The following PPP5C variants were observed in gnomAD, a reference collection of about 807,000 sequenced individuals.
The protein encoded by PPP5C is serine/threonine-protein phosphatase 5.
Under a neutral mutation model 66.7 loss-of-function variants are expected in PPP5C, and 21 were observed. That is an observed-to-expected ratio of 0.31 (90% CI 0.22 to 0.45). The LOEUF is 0.45. PPP5C is among the 20% of genes least tolerant of loss of function. The pLI, the probability that PPP5C is intolerant of heterozygous loss-of-function variation, is 1.00. For synonymous variants in PPP5C, 246 were observed against 257.4 expected, an observed-to-expected ratio of 0.96 and a Z score of 0.43; for missense variants, 464 against 675.9, an observed-to-expected ratio of 0.69 and a Z score of 3.48.
chr19:46,348,379 T>A (rs1412950370), intron 1 of PPP5C, among the ~76,000 whole-genome samples: 1 of 146,932 alleles, frequency 6.8e-6, no homozygotes, highest in Non-Finnish European at 1.5e-5. Flanking sequence ...AATGGCGCAA[T>A]CTCGGCTCAC....
chr19:46,369,725 G>A (rs1298980682), intron 2 of PPP5C, among the ~76,000 whole-genome samples: 1 of 150,596 alleles, frequency 6.6e-6, no homozygotes, highest in Non-Finnish European at 1.5e-5. Flanking sequence ...CAGGAGTTCA[G>A]GACCAGCCTG....
rs1304010683 is a variant in PPP5C, at chr19:46,383,492, C to T, written c.699+16C>T. ...ACTCAAAGAGGTGCGCGTTGTGGGG[C>T]AGTGCGGGGAGGGCCAGCGGGGGTG... On this transcript the variant is annotated intron_variant, in intron 5 of 12. Coordinates refer to ENST00000012443, the MANE Select transcript of PPP5C (RefSeq NM_006247.4). This position sits in a 1 kb window ranked among gnomAD's most constrained non-coding sequence, Gnocchi z 5.0. 5 of 1,594,010 alleles carry T rather than the reference C, an allele frequency of 3.1e-6. No homozygotes were observed. The African/African-American group carries it at 5.4e-5, about 17-fold the overall frequency.
chr19:46,349,550 T>A (rs1972146099), intron 1 of PPP5C, among the ~76,000 whole-genome samples: 1 of 151,676 alleles, frequency 6.6e-6, no homozygotes, highest in Non-Finnish European at 1.5e-5. Flanking sequence ...CAGTGAGAGA[T>A]GAGGCCAGAG....
chr19:46,351,092 T>C (rs1449996686), intron 1 of PPP5C, among the ~76,000 whole-genome samples: 1 of 152,128 alleles, frequency 6.6e-6, no homozygotes, highest in East Asian at 1.9e-4. Context: ...GGGTGGGGGC[T>C]TATGCTTAAC....
At chr19:46,353,716 A>G in intron 1 of PPP5C, 32 bp from the exon 2 acceptor site, 5 of 1,613,208 alleles carry the variant, frequency 3.1e-6, no homozygotes, top group Non-Finnish European at 4.2e-6. Flanking sequence ...GGGTTGGAGC[A>G]CTGCCTCATG....
chr19:46,374,725 G>A (rs945027496), intron 2 of PPP5C, among the ~76,000 whole-genome samples: 5 of 152,168 alleles, frequency 3.3e-5, no homozygotes, highest in African/African-American at 4.8e-5. Context: ...GGGCGCCCAC[G>A]TGGAGTTTCC....
intron 11 of PPP5C, among the ~76,000 whole-genome samples, chr19:46,389,405 A>AGAGTGTTGATC (rs1568579889): frequency 1.4e-4 from 4 of 28,852 alleles, no homozygotes; most frequent in Admixed American, 3.5e-4. Flanking sequence ...ACACACACAC[A>AGAGTGTTGATC]CACACACACA....
intron 2 of PPP5C, among the ~76,000 whole-genome samples, chr19:46,355,206 G>A (rs369259269): frequency 2.6e-5 from 4 of 152,236 alleles, no homozygotes; most frequent in Admixed American, 1.3e-4. Context: ...GGGGCCGTGC[G>A]CTTGTCCTGC....
At chr19:46,384,379 C>T (rs974069895) in intron 6 of PPP5C, 10 of 250,296 alleles carry the variant, frequency 4.0e-5, no homozygotes, top group Admixed American at 9.9e-5. Flanking sequence ...AGTATTTCCC[C>T]GTGTTATGGT....
rs1972693271 is a variant in PPP5C, at chr19:46,376,250, G to A, written c.512-203G>A. 1.3e-5 allele frequency among the ~76,000 whole-genome samples: 2 copies of A among 152,102 alleles called. No homozygotes were observed. The highest frequency in any genetic ancestry group is 1.3e-4 in the Admixed American group (2 of 15,264). On this transcript the variant is annotated intron_variant, in intron 3 of 12. Transcript: ENST00000012443. This position sits in a 1 kb window ranked among gnomAD's most constrained non-coding sequence, Gnocchi z 5.1. ...GTGCCATAAAACTGAATAGAGTAAA[G>A]GGGGGTGGGTGAAGGAAGACAGGGA...
At chr19:46,347,546 G>A (rs940612021) in intron 1 of PPP5C, among the ~76,000 whole-genome samples, 2 of 151,950 alleles carry the variant, frequency 1.3e-5, no homozygotes, top group East Asian at 1.9e-4. Flanking sequence ...CATGTGGTGG[G>A]GGAGTGATTG....
chr19:46,375,790 C>T, intron 3 of PPP5C, 39 bp downstream of exon 3: 1 of 1,546,948 alleles, frequency 6.5e-7, no homozygotes. Context: ...CAGCCCAGAA[C>T]ATTCCACACG....
At chr19:46,356,550 G>A (rs908044037) in intron 2 of PPP5C, among the ~76,000 whole-genome samples, 4 of 152,186 alleles carry the variant, frequency 2.6e-5, no homozygotes, top group Non-Finnish European at 5.9e-5. Flanking sequence ...TTGTGCACCT[G>A]AATTCAGCCT....
intron 4 of PPP5C, among the ~76,000 whole-genome samples, chr19:46,378,040 C>T (rs2147392146): frequency 6.6e-6 from 1 of 152,272 alleles, no homozygotes; most frequent in African/African-American, 2.4e-5. Flanking sequence ...TCATTATTCT[C>T]TATGCATGCT....
At position 46,373,321 on chromosome 19, in the gene PPP5C, C is replaced by T. The variant is rs770190397; in HGVS notation, c.364-2283C>T. ...GTTTCGCCTGGGAGAGAAGGGAATC[C>T]TGGCTTCCTGGGTGGGTGACTTCAC... On this transcript the variant is annotated intron_variant, in intron 2 of 12. Transcript: ENST00000012443. 4.1e-4 allele frequency among the ~76,000 whole-genome samples: 63 copies of T among 152,234 alleles called. 1 individual carries two copies. The highest frequency in any genetic ancestry group is 8.8e-5 in the Non-Finnish European group (6 of 68,028).
rs1361349852 is a variant in PPP5C at position 46,384,799 on chromosome 19, G to T, written c.799-5G>T. ...ACGCTTGCCATGTTTTCCTCAGCAGGACAGATATTTAATGGTGACTTTGTG... is the reference window on the plus strand; with the variant it reads ...ACGCTTGCCATGTTTTCCTCAGCAGTACAGATATTTAATGGTGACTTTGTG... On this transcript the variant is annotated splice_region_variant and splice_polypyrimidine_tract_variant and intron_variant, in intron 6 of 12. Coordinates refer to ENST00000012443, the MANE Select transcript of PPP5C (RefSeq NM_006247.4). 2 of 1,610,928 alleles carry T rather than the reference G, an allele frequency of 1.2e-6. No individual in the cohort carries two copies. Among genetic ancestry groups the T allele is most frequent in the South Asian group, 1.1e-5 (1 of 90,988 alleles).
intron 11 of PPP5C, 123 bp from the exon 12 acceptor site, chr19:46,389,928 G>GT: frequency 1.2e-6 from 1 of 804,772 alleles, no homozygotes; most frequent in Non-Finnish European, 2.1e-6. Context: ...CTGTCCATCT[G>GT]TGTCTGTTGT....
At chr19:46,347,838 C>T (rs1371490566) in intron 1 of PPP5C, among the ~76,000 whole-genome samples, 2 of 151,196 alleles carry the variant, frequency 1.3e-5, no homozygotes, top group Non-Finnish European at 2.9e-5. Flanking sequence ...TATTGAGTAC[C>T]TGTTATGTGC....
Position 46,383,586 on chromosome 19 carries a change from C to A in PPP5C, c.699+110C>A. 8.2e-7 allele frequency: 1 copy of A among 1,215,970 alleles called. No homozygotes were observed. The highest frequency in any genetic ancestry group is 1.5e-5 in the South Asian group (1 of 67,884). The allele number at this position is 1,215,970 out of a possible 1,614,324, so 75.3% of individuals were successfully genotyped here. ...GATCCACCTCCCTCTCTCCCTCACA[C>A]CCCACCCCTGTGCCTTTCCTCCTGA... On this transcript the variant is annotated intron_variant, in intron 5 of 12. Transcript: ENST00000012443. The surrounding 1 kb of genome is among the most constrained non-coding windows in gnomAD (Gnocchi z 5.0).
Sources: allele counts gnomAD v4.1 joint callset (sites outside exome capture counted in the v4.1 genomes callset), GRCh38; gene constraint gnomAD v4.1.1; non-coding constraint Gnocchi (gnomAD v3.1); transcripts MANE v1.5; gene names NCBI Gene and HGNC (gene_info 2026-07-23, HGNC 2026-07-21).